LCOR: variants seen among roughly 807,000 people sequenced by gnomAD.
LCOR encodes ligand-dependent corepressor.
Under a neutral mutation model 64.4 loss-of-function variants are expected in LCOR, and 14 were observed. That is an observed-to-expected ratio of 0.22 (90% CI 0.14 to 0.34). LCOR has a LOEUF of 0.34. Among genes scored for constraint, LCOR ranks in the 10% least tolerant of loss-of-function variants. The pLI is 1.00. For missense variants in LCOR, 1,686 were observed against 1,765.3 expected (o/e 0.96, Z 0.80); for synonymous variants, 643 against 642.5 (o/e 1.00, Z -0.01).
At chr10:96,936,520 C>A (rs994521160) in intron 4 of LCOR, among the ~76,000 whole-genome samples, 1 of 152,068 alleles carries the variant, frequency 6.6e-6, no homozygotes, top group African/African-American at 2.4e-5. Flanking sequence ...ACTCAAGTTA[C>A]TAATCACAAA....
At chr10:96,849,858 CTTTTTTTTTTTT>C (rs964263701) in intron 2 of LCOR, among the ~76,000 whole-genome samples, 4 of 115,692 alleles carry the variant, frequency 3.5e-5, no homozygotes, top group African/African-American at 1.4e-4. Context: ...GTGTCACTCA[CTTTTTTTTTTTT>C]TTTTTTTTTT....
chr10:96,834,120 C>T (rs1452200322), intron 2 of LCOR, among the ~76,000 whole-genome samples: 3 of 152,262 alleles, frequency 2.0e-5, no homozygotes, highest in Admixed American at 6.5e-5. Context: ...GAATATACGC[C>T]TTTCCATTTC....
intron 2 of LCOR, among the ~76,000 whole-genome samples, chr10:96,854,067 C>G (rs1589606914): frequency 6.6e-6 from 1 of 152,102 alleles, no homozygotes; most frequent in Admixed American, 6.6e-5. Context: ...GACATAGAGC[C>G]AAGCCATATC....
intron 2 of LCOR, among the ~76,000 whole-genome samples, chr10:96,846,688 G>A (rs1273101177): frequency 6.6e-6 from 1 of 152,102 alleles, no homozygotes; most frequent in African/African-American, 2.4e-5. Context: ...GCTTTTCATT[G>A]TATAGTTTTT....
At chr10:96,847,757 A>G (rs968519143) in intron 2 of LCOR, among the ~76,000 whole-genome samples, 1 of 152,198 alleles carries the variant, frequency 6.6e-6, no homozygotes, top group Non-Finnish European at 1.5e-5. Flanking sequence ...AAAAGTACTA[A>G]AACTATTAAA....
chr10:96,932,441 T>TTTTTA (rs139659397), intron 4 of LCOR, among the ~76,000 whole-genome samples: 86 of 151,790 alleles, frequency 5.7e-4, no homozygotes, highest in East Asian at 5.4e-3. Flanking sequence ...CAAGGAACCT[T>TTTTTA]TTTTATTTTA....
intron 4 of LCOR, among the ~76,000 whole-genome samples, chr10:96,941,412 G>C (rs569804837): frequency 1.4e-5 from 2 of 146,374 alleles, no homozygotes; most frequent in African/African-American, 5.1e-5. Context: ...CGGGCAGGGG[G>C]CTGACCCCCC....
rs781292191 is a variant in LCOR at position 96,983,395 on chromosome 10, C to T, written c.2935C>T (p.Pro979Ser). 1 of 1,614,134 alleles carries T rather than the reference C, an allele frequency of 6.2e-7. No homozygotes were observed. The highest frequency in any genetic ancestry group is 1.1e-5 in the South Asian group (1 of 91,080). The change falls in exon 8 of 8, where the codon CCA becomes TCA. Residue 979 changes from proline (P) to serine (S), a missense_variant. Pro to Ser is a moderately conservative substitution (Grantham distance 74, BLOSUM62 -1). Coordinates refer to ENST00000421806, the MANE Select transcript of LCOR (RefSeq NM_001346516.2). This position sits in a 1 kb window ranked among gnomAD's most constrained non-coding sequence, Gnocchi z 4.5. ...KRDPEQAKEE[P>S]GHIPTQHVEE... Reference sequence around the variant, plus strand: ...GGACCCAGAACAGGCAAAAGAAGAGCCAGGGCATATTCCCACACAGCATGT... The same window carrying T: ...GGACCCAGAACAGGCAAAAGAAGAGTCAGGGCATATTCCCACACAGCATGT...
At chr10:96,955,112 G>C (rs758955401) in intron 7 of LCOR, 2 of 1,614,042 alleles carry the variant, frequency 1.2e-6, no homozygotes, top group Non-Finnish European at 1.7e-6. Context: ...AAGAACTACT[G>C]AGCAGAAACC....
rs368849404 is a variant in LCOR, at chr10:96,919,870, T to A, written c.-184+12123T>A. On this transcript the variant is annotated intron_variant, in intron 4 of 7. Transcript: ENST00000421806. Reference sequence around the variant, plus strand: ...CAGAACAATATTCCACTTATGTATATATCCCATTTTGTTCATCCATCCATC... The same window carrying A: ...CAGAACAATATTCCACTTATGTATAAATCCCATTTTGTTCATCCATCCATC... Among the ~76,000 whole-genome samples the A allele has an allele frequency of 6.6e-5, 10 of 152,342 alleles. No homozygotes were observed. The South Asian group carries it at 2.1e-3, about 32-fold the overall frequency.
intron 2 of LCOR, among the ~76,000 whole-genome samples, chr10:96,847,781 C>T (rs553913729): frequency 6.6e-6 from 1 of 152,218 alleles, no homozygotes; most frequent in South Asian, 2.1e-4. Context: ...ATTGAATTAC[C>T]TACAAACTTT....
At position 96,984,527 on chromosome 10, in the gene LCOR, C is replaced by G; in HGVS notation, c.4067C>G (p.Ser1356Cys). Residue 1356 changes from serine (S) to cysteine (C), a missense_variant, in exon 8 of 8, where the codon TCC (serine) becomes TGC (cysteine). Physicochemically the swap from Ser to Cys is moderately radical, Grantham distance 112 (BLOSUM62 -1). This residue lies in a region of LCOR where 1,293 missense variants were observed against 1,410.4 expected (regional missense o/e 0.92). Coordinates refer to ENST00000421806, the MANE Select transcript of LCOR (RefSeq NM_001346516.2). ...AGCGTATGCATCAACCCTCTGATGT[C>G]CCCCAAGCTTGCCCTGCAAGTGGAT... ...RKSVCINPLM[S>C]PKLALQVDAD... 1 of 1,614,206 alleles carries G rather than the reference C, an allele frequency of 6.2e-7. No individual in the cohort carries two copies. Among genetic ancestry groups the G allele is most frequent in the Non-Finnish European group, 8.5e-7 (1 of 1,180,048 alleles).
In LCOR at chr10:96,862,267, A is replaced by AT. The variant is rs201993314; in HGVS notation, c.-330+28797dup. Among the ~76,000 whole-genome samples, 872 of 151,016 alleles carry AT rather than the reference A, an allele frequency of 5.8e-3. 15 individuals carry two copies. The highest frequency in any genetic ancestry group is 0.02 in the African/African-American group (825 of 41,166). ...TGGGAGGCTTCGTTACATAGACATG[A>AT]TTTTTTTTTCTTTTCTTTGTTTTTG... On this transcript the variant is annotated intron_variant, in intron 2 of 7. Coordinates refer to ENST00000421806, the MANE Select transcript of LCOR (RefSeq NM_001346516.2).
At chr10:96,980,017 G>A (rs190576265) in intron 7 of LCOR, among the ~76,000 whole-genome samples, 23 of 152,236 alleles carry the variant, frequency 1.5e-4, no homozygotes, top group Non-Finnish European at 2.1e-4. Context: ...GGCGGCGTGC[G>A]CCTGTAGTTC....
At position 96,984,466 on chromosome 10, in the gene LCOR, G is replaced by C. The variant is rs1290515397; in HGVS notation, c.4006G>C (p.Asp1336His). Residue 1336 changes from aspartate (D) to histidine (H), a missense_variant, in exon 8 of 8, where the codon GAT (aspartate) becomes CAT (histidine). Coordinates refer to ENST00000421806, the MANE Select transcript of LCOR (RefSeq NM_001346516.2). Reference sequence around the variant, plus strand: ...CAAGAATGAGAAAATGGAATGCCCAGATGCTCTGGCTGTGGAAAGTAAGCC... The same window carrying C: ...CAAGAATGAGAAAATGGAATGCCCACATGCTCTGGCTGTGGAAAGTAAGCC... ...LIKNEKMECP[D>H]ALAVESKPSR... The C allele has an allele frequency of 6.2e-7, 1 of 1,614,234 alleles. No homozygotes were observed. Among genetic ancestry groups the C allele is most frequent in the South Asian group, 1.1e-5 (1 of 91,086 alleles).
intron 4 of LCOR, among the ~76,000 whole-genome samples, chr10:96,940,904 GCCC>G (rs1281319938): frequency 3.8e-4 from 57 of 151,402 alleles, no homozygotes; most frequent in South Asian, 8.3e-4. Flanking sequence ...GGGCAGAAGT[GCCC>G]CCCACCTCCC....
intron 2 of LCOR, among the ~76,000 whole-genome samples, chr10:96,849,185 T>G (rs892396034): frequency 6.7e-6 from 1 of 148,618 alleles, no homozygotes; most frequent in Non-Finnish European, 1.5e-5. Context: ...GTGATTCTCC[T>G]GCCTCAGCCT....
chr10:96,856,470 T>G, intron 2 of LCOR, among the ~76,000 whole-genome samples: 1 of 133,896 alleles, frequency 7.5e-6, no homozygotes, highest in Non-Finnish European at 1.6e-5. Context: ...CCCCTCCCCC[T>G]TCCTCCCTGC....
chr10:96,848,949 GT>G (rs1161438749), intron 2 of LCOR, among the ~76,000 whole-genome samples: 1 of 130,488 alleles, frequency 7.7e-6, no homozygotes, highest in Non-Finnish European at 1.6e-5. Flanking sequence ...ATAGATCTAT[GT>G]TTTTGAAACT....
Sources: allele counts gnomAD v4.1 joint callset (sites outside exome capture counted in the v4.1 genomes callset), GRCh38; gene constraint gnomAD v4.1.1; regional missense constraint gnomAD v4.1.1; non-coding constraint Gnocchi (gnomAD v3.1); transcripts MANE v1.5; gene names NCBI Gene and HGNC (gene_info 2026-07-23, HGNC 2026-07-21).